The following UFSP2 variants were observed in gnomAD, a reference collection of about 807,000 sequenced individuals.
The protein encoded by UFSP2 is UFM1 specific peptidase 2.
UFSP2 carries 43 observed loss-of-function variants against 60.2 expected under a neutral mutation model. The ratio of observed to expected loss-of-function variants is 0.71; its 90% CI spans 0.56 to 0.92. The LOEUF (loss-of-function observed/expected upper bound fraction) is 0.92, where lower values mean the gene tolerates loss of function less well. Ranked by LOEUF, UFSP2 falls within the 40% of genes least tolerant of loss-of-function variation. UFSP2 has a pLI of 0.00. For synonymous variants in UFSP2, 183 were observed against 195.1 expected (o/e 0.94, Z 0.52); for missense variants, 520 against 575.0 (o/e 0.90, Z 0.98).
intron 10 of UFSP2, among the ~76,000 whole-genome samples, chr4:185,404,293 GTT>G (rs70962562): frequency 3.5e-3 from 278 of 80,468 alleles, no homozygotes; most frequent in African/African-American, 7.8e-3. Context: ...CATTCATTAA[GTT>G]TTTTTTTTTT....
chr4:185,414,582 G>C (rs1030841512), intron 6 of UFSP2, among the ~76,000 whole-genome samples: 4 of 152,168 alleles, frequency 2.6e-5, no homozygotes, highest in African/African-American at 9.7e-5. Flanking sequence ...TTAGGAAGAT[G>C]CTCCACGGTC....
chr4:185,421,839 T>C (rs1297374133), intron 2 of UFSP2, among the ~76,000 whole-genome samples: 1 of 152,212 alleles, frequency 6.6e-6, no homozygotes, highest in Non-Finnish European at 1.5e-5. Context: ...CTATCACCCT[T>C]CAGAGACATT....
chr4:185,402,125 T>C, intron 11 of UFSP2: 1 of 266,876 alleles, frequency 3.7e-6, no homozygotes, highest in Non-Finnish European at 7.7e-6. Context: ...TTCTCGAGAG[T>C]CCTTTTTGCA....
At chr4:185,410,996 C>G (rs1050613577) in intron 7 of UFSP2, among the ~76,000 whole-genome samples, 3 of 149,364 alleles carry the variant, frequency 2.0e-5, no homozygotes, top group African/African-American at 7.4e-5. Flanking sequence ...CTAACATGTC[C>G]AACTTAAGAA....
At chr4:185,411,315 G>A (rs78710005) in intron 7 of UFSP2, among the ~76,000 whole-genome samples, 10,300 of 151,818 alleles carry the variant, frequency 0.068, 391 homozygotes, top group South Asian at 0.088. Context: ...TGTTTTACAG[G>A]CAAGTTTTAC....
intron 5 of UFSP2, among the ~76,000 whole-genome samples, 156 bp downstream of exon 5, chr4:185,415,554 A>G (rs1366145763): frequency 6.6e-6 from 1 of 152,212 alleles, no homozygotes; most frequent in African/African-American, 2.4e-5. Flanking sequence ...ATGCTACCCT[A>G]CTTCCTCCAA....
chr4:185,405,898 A>G lies in UFSP2; in HGVS notation c.1122-42T>C, dbSNP rs376550263. The G allele has an allele frequency of 3.7e-5, 59 of 1,613,606 alleles. No individual in the cohort carries two copies. In the African/African-American group the frequency reaches 6.9e-4, roughly 19 times the overall value. On this transcript the variant is annotated intron_variant, in intron 9 of 11. Coordinates refer to ENST00000264689, the MANE Select transcript of UFSP2 (RefSeq NM_018359.5). ...TTCTATCAGATGAACTACTTCCAACACTACGGTCAAATAATGAGCTAGGAG... is the reference window on the plus strand; with the variant it reads ...TTCTATCAGATGAACTACTTCCAACGCTACGGTCAAATAATGAGCTAGGAG...
chr4:185,410,316 A>G (rs1281809176), intron 7 of UFSP2, among the ~76,000 whole-genome samples: 1 of 152,206 alleles, frequency 6.6e-6, no homozygotes, highest in Non-Finnish European at 1.5e-5. Context: ...GATACACTAA[A>G]AGCAGTGCTT....
intron 9 of UFSP2, among the ~76,000 whole-genome samples, chr4:185,406,505 C>T (rs781240779): frequency 9.2e-5 from 14 of 152,048 alleles, no homozygotes; most frequent in Non-Finnish European, 1.5e-4. Flanking sequence ...TAATGAGGAA[C>T]GTATGTTTTA....
At chr4:185,423,007 C>T (rs1051174187) in intron 1 of UFSP2, among the ~76,000 whole-genome samples, 1 of 152,168 alleles carries the variant, frequency 6.6e-6, no homozygotes, top group African/African-American at 2.4e-5. Context: ...TACAGGCATA[C>T]ACCACCACGC....
intron 2 of UFSP2, among the ~76,000 whole-genome samples, chr4:185,419,365 C>T (rs1171487533): frequency 2.6e-5 from 4 of 152,246 alleles, no homozygotes; most frequent in East Asian, 1.9e-4. Flanking sequence ...CTCCTGACCT[C>T]GTGATCCACC....
intron 4 of UFSP2, among the ~76,000 whole-genome samples, chr4:185,417,769 C>T (rs576706716): frequency 2.6e-5 from 4 of 152,224 alleles, no homozygotes; most frequent in Admixed American, 2.0e-4. Context: ...ACCAGCCGGG[C>T]GCGGTGGCTC....
At chr4:185,401,581 A>C (rs775465700) in intron 11 of UFSP2, among the ~76,000 whole-genome samples, 1 of 152,220 alleles carries the variant, frequency 6.6e-6, no homozygotes, top group Non-Finnish European at 1.5e-5. Context: ...CAAACAGGAA[A>C]GCACCACAAG....
At chr4:185,403,909 T>C (rs1038346776) in intron 10 of UFSP2, among the ~76,000 whole-genome samples, 8 of 140,820 alleles carry the variant, frequency 5.7e-5, no homozygotes, top group Middle Eastern at 3.8e-3. Context: ...AGACGGAGCT[T>C]GCACTGAGCC....
chr4:185,415,986 A>G, intron 4 of UFSP2, 119 bp from the exon 5 acceptor site: 1 of 770,110 alleles, frequency 1.3e-6, no homozygotes, highest in East Asian at 2.9e-5. Context: ...AGACTAGCCA[A>G]GTACAGTAGT....
intron 1 of UFSP2, among the ~76,000 whole-genome samples, chr4:185,424,816 T>G (rs2095556254): frequency 1.3e-5 from 2 of 152,258 alleles, no homozygotes; most frequent in South Asian, 4.1e-4. Context: ...TCTGTTTCTC[T>G]TCTGTAAAAC....
intron 7 of UFSP2, among the ~76,000 whole-genome samples, chr4:185,409,456 C>T (rs1473462489): frequency 6.6e-6 from 1 of 152,156 alleles, no homozygotes; most frequent in East Asian, 1.9e-4. Context: ...TCCTGAGTAG[C>T]TGGGATTACA....
At chr4:185,407,872 T>C in intron 9 of UFSP2, 64 bp downstream of exon 9, 1 of 1,522,674 alleles carries the variant, frequency 6.6e-7, no homozygotes, top group Non-Finnish European at 8.9e-7. Context: ...TTTTCTATTA[T>C]TTTAATTAAA....
intron 1 of UFSP2, among the ~76,000 whole-genome samples, chr4:185,425,159 A>G (rs953294798): frequency 6.6e-6 from 1 of 152,132 alleles, no homozygotes; most frequent in Non-Finnish European, 1.5e-5. Flanking sequence ...CGGGGAGTTG[A>G]GAAGAGGGAG....
Sources: allele counts gnomAD v4.1 joint callset (sites outside exome capture counted in the v4.1 genomes callset), GRCh38; gene constraint gnomAD v4.1.1; transcripts MANE v1.5; gene names NCBI Gene and HGNC (gene_info 2026-07-23, HGNC 2026-07-21).